CDH9: variants seen among roughly 807,000 people sequenced by gnomAD.
CDH9 encodes the protein cadherin 9.
A neutral mutation model predicts 70.9 loss-of-function variants in CDH9; 28 were observed. The ratio of observed to expected loss-of-function variants is 0.40; its 90% CI spans 0.29 to 0.54. The LOEUF is 0.54. Ranked by LOEUF, CDH9 falls within the 20% of genes least tolerant of loss-of-function variation. The pLI is 0.59. For synonymous variants in CDH9, 409 were observed against 343.1 expected, an observed-to-expected ratio of 1.19 and a Z score of -2.12; for missense variants, 874 against 984.4, an observed-to-expected ratio of 0.89 and a Z score of 1.50.
intron 1 of CDH9, among the ~76,000 whole-genome samples, chr5:27,002,110 G>C (rs1004068329): frequency 5.9e-5 from 9 of 152,046 alleles, no homozygotes; most frequent in African/African-American, 2.2e-4. Flanking sequence ...AAGTGGGGGA[G>C]GATATAAACA....
At chr5:26,903,865 T>C in intron 5 of CDH9, 41 bp from the exon 6 acceptor site, 2 of 1,098,648 alleles carry the variant, frequency 1.8e-6, no homozygotes, top group Non-Finnish European at 2.6e-6. Context: ...TTCATCTTTA[T>C]ATAACATTTT....
Position 27,015,288 on chromosome 5 carries a change from C to G in CDH9, c.-50+23175G>C, listed in dbSNP as rs3811925. 9.7e-4 allele frequency among the ~76,000 whole-genome samples: 147 copies of G among 151,624 alleles called. 2 individuals are homozygous for G. The East Asian group carries it at 0.027, about 28-fold the overall frequency. On this transcript the variant is annotated intron_variant, in intron 1 of 11. Transcript: ENST00000231021. ...TATTTTATCTCTAAATGATCGTGTT[C>G]TCACTATTGATATTTATTAAGACTT... is the stretch of plus-strand genomic sequence containing the variant.
chr5:26,918,790 T>C (rs908901897), intron 2 of CDH9, among the ~76,000 whole-genome samples: 13 of 152,316 alleles, frequency 8.5e-5, no homozygotes, highest in Admixed American at 4.6e-4. Context: ...ATATATTCTC[T>C]AGCATCTCAG....
At chr5:26,977,740 G>T (rs1009509383) in intron 2 of CDH9, among the ~76,000 whole-genome samples, 4 of 151,998 alleles carry the variant, frequency 2.6e-5, no homozygotes, top group African/African-American at 9.7e-5. Context: ...CCTAAAATTG[G>T]CATACACATG....
intron 2 of CDH9, among the ~76,000 whole-genome samples, chr5:26,959,987 A>G (rs765578294): frequency 1.3e-5 from 2 of 152,012 alleles, no homozygotes; most frequent in Non-Finnish European, 2.9e-5. Flanking sequence ...ATTCCACTGA[A>G]TAGTGCACTT....
chr5:27,029,340 T>A (rs919895233), intron 1 of CDH9, among the ~76,000 whole-genome samples: 1 of 151,994 alleles, frequency 6.6e-6, no homozygotes, highest in Non-Finnish European at 1.5e-5. Context: ...TGGAGTAATG[T>A]GGGATGTTTA....
At chr5:26,951,291 CAAAA>C (rs796799417) in intron 2 of CDH9, among the ~76,000 whole-genome samples, 4 of 86,192 alleles carry the variant, frequency 4.6e-5, no homozygotes, top group African/African-American at 2.2e-4. Flanking sequence ...GACTCTGTCT[CAAAA>C]AAAAAAAAAA....
intron 1 of CDH9, among the ~76,000 whole-genome samples, chr5:27,026,963 T>G (rs1743230248): frequency 6.6e-6 from 1 of 152,000 alleles, no homozygotes; most frequent in Admixed American, 6.6e-5. Flanking sequence ...AGAATGGCAT[T>G]CACTTTACAG....
At chr5:26,969,168 A>T (rs1196385132) in intron 2 of CDH9, among the ~76,000 whole-genome samples, 1 of 152,158 alleles carries the variant, frequency 6.6e-6, no homozygotes, top group East Asian at 1.9e-4. Flanking sequence ...TGTTATTATC[A>T]CTAGCTATTT....
At chr5:26,982,728 G>T (rs184655796) in intron 2 of CDH9, among the ~76,000 whole-genome samples, 1 of 151,732 alleles carries the variant, frequency 6.6e-6, no homozygotes, top group Non-Finnish European at 1.5e-5. Flanking sequence ...TTGCTCCATC[G>T]CCCAGGCTCG....
intron 3 of CDH9, among the ~76,000 whole-genome samples, chr5:26,907,793 A>G (rs570004448): frequency 1.3e-5 from 2 of 152,196 alleles, no homozygotes; most frequent in African/African-American, 2.4e-5. Flanking sequence ...TTTTCAGTAT[A>G]TTTTACATAA....
At chr5:26,957,122 C>A (rs1284262564) in intron 2 of CDH9, among the ~76,000 whole-genome samples, 1 of 150,046 alleles carries the variant, frequency 6.7e-6, no homozygotes, top group Admixed American at 6.6e-5. Context: ...TAGAATATAC[C>A]CCTGATTTTT....
chr5:26,946,988 A>T (rs1741765976), intron 2 of CDH9, among the ~76,000 whole-genome samples: 1 of 152,298 alleles, frequency 6.6e-6, no homozygotes, highest in East Asian at 1.9e-4. Flanking sequence ...AAAGTGTGCT[A>T]AAGAGATTTT....
intron 2 of CDH9, among the ~76,000 whole-genome samples, chr5:26,956,809 T>C (rs941463548): frequency 6.6e-6 from 1 of 152,168 alleles, no homozygotes; most frequent in Non-Finnish European, 1.5e-5. Flanking sequence ...AGTCATGCTG[T>C]TATGGGATCA....
At chr5:27,016,861 T>C (rs548034635) in intron 1 of CDH9, among the ~76,000 whole-genome samples, 2 of 151,976 alleles carry the variant, frequency 1.3e-5, no homozygotes, top group African/African-American at 4.8e-5. Flanking sequence ...TTTTATTCAT[T>C]CAATATTAAA....
chr5:27,025,665 T>C (rs1344100727), intron 1 of CDH9, among the ~76,000 whole-genome samples: 1 of 151,970 alleles, frequency 6.6e-6, no homozygotes, highest in Non-Finnish European at 1.5e-5. Flanking sequence ...AAACTGTACT[T>C]AAAGGATGGA....
chr5:27,021,818 G>A (rs867130911), intron 1 of CDH9, among the ~76,000 whole-genome samples: 2 of 152,024 alleles, frequency 1.3e-5, no homozygotes, highest in African/African-American at 2.4e-5. Context: ...AATTTAATTA[G>A]TGAATAGATT....
intron 2 of CDH9, among the ~76,000 whole-genome samples, chr5:26,933,776 CAAAATAAAAT>C (rs35458909): frequency 1.7e-4 from 25 of 147,208 alleles, no homozygotes; most frequent in South Asian, 4.3e-4. Context: ...AAGACTCCGT[CAAAATAAAAT>C]AAAATAAAAT....
At chr5:26,900,473 A>C (rs1209493392) in intron 7 of CDH9, among the ~76,000 whole-genome samples, 2 of 152,046 alleles carry the variant, frequency 1.3e-5, no homozygotes, top group Non-Finnish European at 2.9e-5. Context: ...AGCCTTGGTG[A>C]CCTTGAAGGG....
Sources: gnomAD v4.1 joint callset for allele counts (sites outside exome capture counted in the v4.1 genomes callset) on GRCh38, gnomAD v4.1.1 for gene constraint, MANE v1.5 for transcripts, NCBI Gene and HGNC (gene_info 2026-07-23, HGNC 2026-07-21) for gene names.